The following KCNIP4 variants were observed in gnomAD, a reference collection of about 807,000 sequenced individuals.
KCNIP4 encodes the protein potassium voltage-gated channel interacting protein 4, also known as Kv channel-interacting protein 4.
Under a neutral mutation model 34.0 loss-of-function variants are expected in KCNIP4, and 12 were observed. That is an observed-to-expected ratio of 0.35 (90% CI 0.23 to 0.57). The LOEUF (loss-of-function observed/expected upper bound fraction) is 0.57. KCNIP4 is among the 20% of genes least tolerant of loss of function. The pLI, the probability that KCNIP4 is intolerant of heterozygous loss-of-function variation, is 0.83. For synonymous variants in KCNIP4, 124 were observed against 102.2 expected, an observed-to-expected ratio of 1.21 and a Z score of -1.29; for missense variants, 238 against 311.7, an observed-to-expected ratio of 0.76 and a Z score of 1.78.
intron 1 of KCNIP4, among the ~76,000 whole-genome samples, chr4:21,395,058 G>A (rs191518782): frequency 2.0e-5 from 3 of 152,082 alleles, no homozygotes; most frequent in Admixed American, 6.5e-5. Flanking sequence ...AACTTAACAC[G>A]TGTGGGGACC....
At chr4:20,867,781 C>CA (rs1723021042) in intron 2 of KCNIP4, among the ~76,000 whole-genome samples, 1 of 152,000 alleles carries the variant, frequency 6.6e-6, no homozygotes, top group Admixed American at 6.6e-5. Flanking sequence ...ATCGCAAGGA[C>CA]AAAAAACCAA....
At chr4:21,882,327 A>C (rs925277370) in intron 1 of KCNIP4, among the ~76,000 whole-genome samples, 3 of 152,202 alleles carry the variant, frequency 2.0e-5, no homozygotes, top group Admixed American at 2.0e-4. Context: ...AAGGTCACAC[A>C]GCATTCAAAT....
chr4:20,842,661 G>T lies in KCNIP4; in HGVS notation c.288+7882C>A, dbSNP rs1318560158. Among the ~76,000 whole-genome samples the T allele has an allele frequency of 2.1e-5, 3 of 139,900 alleles. No individual in the cohort carries two copies. The East Asian group carries it at 7.0e-4, about 32-fold the overall frequency. 91.8% of individuals were successfully genotyped at this position (139,900 alleles called of 152,430 possible). On this transcript the variant is annotated intron_variant, in intron 3 of 8. Transcript: ENST00000382152. ...CTGACTGGTTTCTATTTGTTCTTTAGAAAGACCTTTTCAGCTGCACAGTGG... is the reference window on the plus strand; with the variant it reads ...CTGACTGGTTTCTATTTGTTCTTTATAAAGACCTTTTCAGCTGCACAGTGG...
intron 1 of KCNIP4, among the ~76,000 whole-genome samples, chr4:20,915,136 C>G (rs565928983): frequency 6.6e-6 from 1 of 152,298 alleles, no homozygotes; most frequent in South Asian, 2.1e-4. Flanking sequence ...ATATATTTTT[C>G]AAAGCGCCAA....
intron 1 of KCNIP4, among the ~76,000 whole-genome samples, chr4:21,431,237 A>T (rs1315861601): frequency 6.6e-6 from 1 of 152,104 alleles, no homozygotes; most frequent in East Asian, 1.9e-4. Context: ...ATCAAAGAGG[A>T]CCATGAAAAA....
intron 3 of KCNIP4, among the ~76,000 whole-genome samples, chr4:20,769,925 T>G (rs1755727254): frequency 6.6e-6 from 1 of 152,200 alleles, no homozygotes; most frequent in Non-Finnish European, 1.5e-5. Flanking sequence ...AAAGGACTCG[T>G]GTGATTAGAT....
chr4:21,252,160 G>A (rs1350126881), intron 1 of KCNIP4, among the ~76,000 whole-genome samples: 4 of 139,298 alleles, frequency 2.9e-5, no homozygotes, highest in Admixed American at 7.5e-5. Context: ...ACAGAGTCTC[G>A]CTCTGTTGCC....
intron 3 of KCNIP4, among the ~76,000 whole-genome samples, chr4:20,811,749 T>C (rs1204897418): frequency 1.3e-5 from 2 of 152,166 alleles, no homozygotes; most frequent in East Asian, 1.9e-4. Flanking sequence ...TTTCAAAAGA[T>C]GAGCACTTCC....
At position 21,506,793 on chromosome 4, in the gene KCNIP4, CT is replaced by C. The variant is rs535124066; in HGVS notation, c.61+441777del. On this transcript the variant is annotated intron_variant, in intron 1 of 8. Coordinates refer to ENST00000382152, the MANE Select transcript of KCNIP4 (RefSeq NM_025221.6). ...ACAGGTGACACAAATTTTAATATTG[CT>C]TTTTTTTTCTTTTTTGAGACAGAGT... is the stretch of plus-strand genomic sequence containing the variant. 2.6e-4 allele frequency among the ~76,000 whole-genome samples: 39 copies of C among 151,478 alleles called. No homozygotes were observed. In the South Asian group the frequency reaches 7.6e-3, roughly 29 times the overall value.
intron 2 of KCNIP4, among the ~76,000 whole-genome samples, chr4:20,864,920 T>A (rs2149501050): frequency 6.6e-6 from 1 of 152,184 alleles, no homozygotes; most frequent in South Asian, 2.1e-4. Context: ...ATCCTTACTG[T>A]ACCCACAGTT....
intron 1 of KCNIP4, among the ~76,000 whole-genome samples, chr4:21,418,465 C>A (rs191221613): frequency 1.3e-5 from 2 of 151,916 alleles, no homozygotes; most frequent in East Asian, 3.9e-4. Context: ...CCATTGCACT[C>A]CAGCCTGGGT....
At chr4:21,063,399 C>A (rs1744092240) in intron 1 of KCNIP4, among the ~76,000 whole-genome samples, 1 of 152,152 alleles carries the variant, frequency 6.6e-6, no homozygotes, top group Non-Finnish European at 1.5e-5. Flanking sequence ...TAAGCTATGT[C>A]AGTCCTTCAC....
chr4:21,893,353 A>G (rs1292355132), intron 1 of KCNIP4, among the ~76,000 whole-genome samples: 1 of 152,206 alleles, frequency 6.6e-6, no homozygotes, highest in Non-Finnish European at 1.5e-5. Context: ...ATGTCGAAAC[A>G]GTTTTTTATA....
intron 1 of KCNIP4, among the ~76,000 whole-genome samples, chr4:21,895,170 T>C (rs965137381): frequency 6.6e-6 from 1 of 152,190 alleles, no homozygotes; most frequent in Non-Finnish European, 1.5e-5. Flanking sequence ...AGAGTATTTG[T>C]TTGTTTTGTT....
intron 1 of KCNIP4, among the ~76,000 whole-genome samples, chr4:20,975,511 G>T (rs1560614972): frequency 6.6e-6 from 1 of 152,092 alleles, no homozygotes; most frequent in African/African-American, 2.4e-5. Flanking sequence ...TATCTAAGTT[G>T]GTCCAGCAGT....
intron 1 of KCNIP4, among the ~76,000 whole-genome samples, chr4:21,479,730 T>G (rs1164733822): frequency 1.3e-5 from 2 of 151,828 alleles, no homozygotes; most frequent in Non-Finnish European, 2.9e-5. Context: ...ACATTGAAAA[T>G]AAACCAAATC....
intron 3 of KCNIP4, among the ~76,000 whole-genome samples, chr4:20,786,896 GT>G (rs1463017788): frequency 6.6e-6 from 1 of 152,106 alleles, no homozygotes; most frequent in Non-Finnish European, 1.5e-5. Flanking sequence ...CATAGCATGT[GT>G]TTTGTTAACG....
intron 1 of KCNIP4, among the ~76,000 whole-genome samples, chr4:21,437,337 C>T (rs1410124210): frequency 6.6e-6 from 1 of 152,166 alleles, no homozygotes; most frequent in Non-Finnish European, 1.5e-5. Flanking sequence ...GCAAGGCATA[C>T]TTTCTTTAAA....
At chr4:21,667,063 T>C (rs1488163019) in intron 1 of KCNIP4, among the ~76,000 whole-genome samples, 2 of 152,272 alleles carry the variant, frequency 1.3e-5, no homozygotes, top group Middle Eastern at 3.4e-3. Context: ...AAAATCCAGT[T>C]ATACTCCCCT....
Sources: allele counts gnomAD v4.1 joint callset (sites outside exome capture counted in the v4.1 genomes callset), GRCh38; gene constraint gnomAD v4.1.1; transcripts MANE v1.5; gene names NCBI Gene and HGNC (gene_info 2026-07-23, HGNC 2026-07-21).